The following MAP1B variants were observed in gnomAD, a reference collection of about 807,000 sequenced individuals.
MAP1B encodes the protein microtubule-associated protein 1B.
In MAP1B, 12 loss-of-function variants were observed where a neutral mutation model predicts 176.1. The observed-to-expected ratio is 0.07, with a 90% CI of 0.04 to 0.11. MAP1B has a LOEUF of 0.11. MAP1B is among the 10% of genes least tolerant of loss of function. The probability of loss-of-function intolerance (pLI) is 1.00; values close to 1 mark genes in which losing one functional copy is unlikely to be tolerated. For synonymous variants in MAP1B, 1,044 were observed against 1,135.0 expected, an observed-to-expected ratio of 0.92 and a Z score of 1.61; for missense variants, 2,523 against 2,990.5, an observed-to-expected ratio of 0.84 and a Z score of 3.65.
At chr5:72,126,570 G>A (rs986168233) in intron 2 of MAP1B, among the ~76,000 whole-genome samples, 54 of 152,228 alleles carry the variant, frequency 3.5e-4, no homozygotes, top group African/African-American at 1.2e-3. Flanking sequence ...GGGAAAGGAT[G>A]GATTAAATGA....
chr5:72,196,199 T>C lies in MAP1B; in HGVS notation c.2844T>C (p.Thr948=), dbSNP rs145662959. ...GAGACTATGAAGAGAAGGCAGAAAC[T>C]GAGGAGGCTGAGGAGCCAGAAGAGG... The part of the protein sequence containing the change: ...ETGDYEEKAE[T]EEAEEPEEDG... The change falls in exon 5 of 7, where the codon ACT becomes ACC. Residue 948 remains threonine (T), a synonymous_variant. Coordinates refer to ENST00000296755, the MANE Select transcript of MAP1B (RefSeq NM_005909.5). The surrounding 1 kb of genome is among the most constrained non-coding windows in gnomAD (Gnocchi z 5.3). 17 of 1,613,256 alleles carry C rather than the reference T, an allele frequency of 1.1e-5. No homozygotes were observed. Among genetic ancestry groups the C allele is most frequent in the Non-Finnish European group, 1.4e-5 (17 of 1,179,976 alleles).
At chr5:72,128,705 G>A (rs186955328) in intron 2 of MAP1B, among the ~76,000 whole-genome samples, 165 of 152,244 alleles carry the variant, frequency 1.1e-3, no homozygotes, top group African/African-American at 3.2e-3. Flanking sequence ...CAGTGGCACC[G>A]TCATGGTTCA....
intron 2 of MAP1B, chr5:72,179,782 C>A: frequency 1.0e-6 from 1 of 985,482 alleles, no homozygotes; most frequent in Non-Finnish European, 1.2e-6. Flanking sequence ...GTTGAAGGAG[C>A]AGCCATGGCA....
intron 2 of MAP1B, 137 bp from the exon 3 acceptor site, chr5:72,183,606 A>G (rs1688662788): frequency 1.6e-6 from 1 of 639,162 alleles, no homozygotes; most frequent in African/African-American, 1.8e-5. Context: ...TGTGTTTCCC[A>G]AGATGATGTA....
intron 2 of MAP1B, among the ~76,000 whole-genome samples, chr5:72,127,543 A>G (rs1354134711): frequency 6.6e-6 from 1 of 152,158 alleles, no homozygotes; most frequent in African/African-American, 2.4e-5. Flanking sequence ...CCACCATGGC[A>G]CGTGTATACC....
chr5:72,133,422 T>C (rs1745773997), intron 2 of MAP1B, among the ~76,000 whole-genome samples: 1 of 152,218 alleles, frequency 6.6e-6, no homozygotes, highest in African/African-American at 2.4e-5. Flanking sequence ...TTTCCTGTCT[T>C]GCATCCTAGG....
In MAP1B at chr5:72,194,285, C is replaced by T; in HGVS notation, c.930C>T (p.Thr310=). The change falls in exon 5 of 7, where the codon ACC becomes ACT. Residue 310 remains threonine, a synonymous_variant. Transcript: ENST00000296755. This position sits in a 1 kb window ranked among gnomAD's most constrained non-coding sequence, Gnocchi z 7.2. The part of the protein sequence containing the change: ...HLDRVDSILL[T]HIGDDNLPGI... ...ACCGAGTGGACTCCATCCTGCTCAC[C>T]CACATTGGGGATGACAATTTGCCTG... 1 of 1,614,192 alleles carries T rather than the reference C, an allele frequency of 6.2e-7. No individual in the cohort carries two copies. The highest frequency in any genetic ancestry group is 8.5e-7 in the Non-Finnish European group (1 of 1,180,046).
intron 2 of MAP1B, among the ~76,000 whole-genome samples, chr5:72,122,848 G>A (rs1254257179): frequency 6.6e-6 from 1 of 152,044 alleles, no homozygotes; most frequent in African/African-American, 2.4e-5. Flanking sequence ...TGCGTTCCAC[G>A]ACAGCTGCTA....
In MAP1B at chr5:72,186,119, A is replaced by G. The variant is rs549516458; in HGVS notation, c.370-495A>G. On this transcript the variant is annotated intron_variant, in intron 3 of 6. Transcript: ENST00000296755. This position sits in a 1 kb window ranked among gnomAD's most constrained non-coding sequence, Gnocchi z 4.3. ...TGCACGCCTTGGAAGGGCATATGGG[A>G]GGGGTTGGTTTGGGACCCTAGTTTG... is the stretch of plus-strand genomic sequence containing the variant. Among the ~76,000 whole-genome samples, 1 of 152,122 alleles carries G rather than the reference A, an allele frequency of 6.6e-6. No homozygotes were observed. The highest frequency in any genetic ancestry group is 1.5e-5 in the Non-Finnish European group (1 of 68,000).
At chr5:72,178,025 C>T (rs540559506) in intron 2 of MAP1B, among the ~76,000 whole-genome samples, 224 of 151,884 alleles carry the variant, frequency 1.5e-3, no homozygotes, top group Middle Eastern at 3.4e-3. Context: ...TTTTTTGAGG[C>T]GGAGTCTCAC....
intron 2 of MAP1B, among the ~76,000 whole-genome samples, chr5:72,180,954 C>A (rs962335822): frequency 6.6e-6 from 1 of 152,174 alleles, no homozygotes; most frequent in African/African-American, 2.4e-5. Context: ...GACTCTAGAT[C>A]CAGGTGACCC....
chr5:72,192,852 A>T (rs771068636), intron 4 of MAP1B, among the ~76,000 whole-genome samples: 8 of 152,224 alleles, frequency 5.3e-5, no homozygotes, highest in Non-Finnish European at 1.0e-4. Flanking sequence ...CATAATATGG[A>T]GTGAGAGAGA....
Position 72,198,786 on chromosome 5 carries a change from A to G in MAP1B, c.5431A>G (p.Thr1811Ala). The change falls in exon 5 of 7, where the codon ACA (threonine) becomes GCA (alanine). Residue 1811 changes from threonine (T) to alanine (A), a missense_variant. By Grantham distance (58) the Thr-to-Ala change is moderately conservative. This residue lies in a region of MAP1B where 1,925 missense variants were observed against 2,126.0 expected (regional missense o/e 0.91). Coordinates refer to ENST00000296755, the MANE Select transcript of MAP1B (RefSeq NM_005909.5). ...TTCTACCTCTGCAGTCAAAGAGAAA[A>G]CAGCAACTTGCCACAGTTCCTCTTC... ...SDSTSAVKEK[T>A]ATCHSSSSPP... 1 of 1,614,164 alleles carries G rather than the reference A, an allele frequency of 6.2e-7. No homozygotes were observed. The highest frequency in any genetic ancestry group is 8.5e-7 in the Non-Finnish European group (1 of 1,180,038).
At chr5:72,203,324 C>T (rs1747371940) in intron 5 of MAP1B, among the ~76,000 whole-genome samples, 1 of 152,170 alleles carries the variant, frequency 6.6e-6, no homozygotes, top group Admixed American at 6.5e-5. Context: ...GGGAAACTAT[C>T]CCATTCTTCA....
intron 2 of MAP1B, among the ~76,000 whole-genome samples, chr5:72,160,497 T>G (rs985150327): frequency 2.6e-5 from 4 of 152,186 alleles, no homozygotes; most frequent in Non-Finnish European, 5.9e-5. Flanking sequence ...GCAGTCCCTT[T>G]AGGTGGGAGG....
chr5:72,160,907 C>A (rs968155751), intron 2 of MAP1B, among the ~76,000 whole-genome samples: 1 of 152,130 alleles, frequency 6.6e-6, no homozygotes, highest in Admixed American at 6.5e-5. Flanking sequence ...ATGAGAGGGT[C>A]TAGACTTAGG....
chr5:72,185,803 G>T (rs1746884779), intron 3 of MAP1B, among the ~76,000 whole-genome samples: 1 of 152,088 alleles, frequency 6.6e-6, no homozygotes, highest in South Asian at 2.1e-4. Flanking sequence ...AAGGGGTCAT[G>T]GTCTGTTTAC....
chr5:72,150,689 T>TC (rs1351073704), intron 2 of MAP1B, among the ~76,000 whole-genome samples: 48 of 152,316 alleles, frequency 3.2e-4, no homozygotes, highest in African/African-American at 1.1e-3. Context: ...TGCGTGTTGT[T>TC]CCCCTCGATG....
At chr5:72,120,494 G>T (rs113353162) in intron 2 of MAP1B, among the ~76,000 whole-genome samples, 1,776 of 150,082 alleles carry the variant, frequency 0.012, 40 homozygotes, top group African/African-American at 0.041. Context: ...GCGCAATCTC[G>T]GCTCACAGCA....
Sources: gnomAD v4.1 joint callset for allele counts (sites outside exome capture counted in the v4.1 genomes callset) on GRCh38, gnomAD v4.1.1 for gene constraint, gnomAD v4.1.1 regional missense constraint, Gnocchi (gnomAD v3.1) non-coding constraint, MANE v1.5 for transcripts, NCBI Gene and HGNC (gene_info 2026-07-23, HGNC 2026-07-21) for gene names.